Variants in GLIS3 observed in about 807,000 individuals in gnomAD.
GLIS3 encodes zinc finger protein GLIS3.
A neutral mutation model predicts 78.6 loss-of-function variants in GLIS3; 53 were observed. That is an observed-to-expected ratio of 0.67 (90% CI 0.54 to 0.85). The LOEUF (loss-of-function observed/expected upper bound fraction) is 0.85. Ranked by LOEUF, GLIS3 falls within the 40% of genes least tolerant of loss-of-function variation. GLIS3 has a pLI of 0.00. For missense variants in GLIS3, 1,703 were observed against 1,231.1 expected (o/e 1.38, Z -5.74); for synonymous variants, 684 against 509.9 (o/e 1.34, Z -4.60).
intron 8 of GLIS3, among the ~76,000 whole-genome samples, chr9:3,867,428 CCTAA>C (rs1179956015): frequency 6.6e-6 from 1 of 152,136 alleles, no homozygotes; most frequent in Non-Finnish European, 1.5e-5. Flanking sequence ...AGGCCAATGA[CCTAA>C]CTGATATTTG....
At chr9:4,194,872 CAT>C (rs778788593) in intron 2 of GLIS3, among the ~76,000 whole-genome samples, 3 of 152,226 alleles carry the variant, frequency 2.0e-5, no homozygotes, top group Non-Finnish European at 2.9e-5. Flanking sequence ...CGAAAAGCTG[CAT>C]ATGTTTTCCC....
the GLIS3 span, among the ~76,000 whole-genome samples, chr9:4,485,977 C>T: frequency 6.6e-6 from 1 of 152,208 alleles, no homozygotes; most frequent in Non-Finnish European, 1.5e-5. Flanking sequence ...CCCCCTTGGC[C>T]TCCCAAAGAG....
intron 6 of GLIS3, among the ~76,000 whole-genome samples, chr9:3,930,119 G>T (rs566891782): frequency 6.6e-5 from 10 of 152,070 alleles, no homozygotes; most frequent in Non-Finnish European, 1.3e-4. Flanking sequence ...TTTAACTTCC[G>T]CAAATTAATC....
chr9:3,926,326 G>A (rs1825248822), intron 6 of GLIS3, among the ~76,000 whole-genome samples: 3 of 151,246 alleles, frequency 2.0e-5, no homozygotes, highest in Admixed American at 2.0e-4. Flanking sequence ...CACCTCCTGG[G>A]GTCATGCCAT....
intron 4 of GLIS3, among the ~76,000 whole-genome samples, chr9:4,019,075 G>A (rs2130122742): frequency 6.6e-6 from 1 of 152,300 alleles, no homozygotes; most frequent in East Asian, 1.9e-4. Context: ...TAAGCAGGAA[G>A]TTGATGAACA....
intron 8 of GLIS3, among the ~76,000 whole-genome samples, chr9:3,876,909 T>A (rs2130440060): frequency 6.6e-6 from 1 of 151,918 alleles, no homozygotes; most frequent in South Asian, 2.1e-4. Flanking sequence ...GCCAAACAGT[T>A]AGCAACCGTC....
At chr9:4,096,671 G>A (rs915799652) in intron 4 of GLIS3, among the ~76,000 whole-genome samples, 2 of 152,122 alleles carry the variant, frequency 1.3e-5, no homozygotes, top group Non-Finnish European at 2.9e-5. Context: ...TGGAGAGAGA[G>A]GAGAGGGGAG....
chr9:4,453,252 G>A, the GLIS3 span, among the ~76,000 whole-genome samples: 1 of 148,852 alleles, frequency 6.7e-6, no homozygotes, highest in East Asian at 2.0e-4. Flanking sequence ...ATAGGCATGG[G>A]CAAGGACTTC....
chr9:4,406,944 T>C, the GLIS3 span, among the ~76,000 whole-genome samples: 1 of 152,178 alleles, frequency 6.6e-6, no homozygotes, highest in Admixed American at 6.5e-5. Flanking sequence ...GAAAAACAAT[T>C]CTAAAATTTA....
chr9:3,889,019 A>AC (rs1490329271), intron 7 of GLIS3, among the ~76,000 whole-genome samples: 2 of 152,128 alleles, frequency 1.3e-5, no homozygotes, highest in Admixed American at 1.3e-4. Context: ...TTAGGCTTTA[A>AC]TTTATGTGTC....
intron 2 of GLIS3, among the ~76,000 whole-genome samples, chr9:4,203,583 C>G (rs1036867935): frequency 6.6e-6 from 1 of 152,182 alleles, no homozygotes; most frequent in Non-Finnish European, 1.5e-5. Flanking sequence ...TTTCACCCCA[C>G]AATCCCATTA....
At chr9:4,295,572 A>G (rs1470119196) in intron 1 of GLIS3, among the ~76,000 whole-genome samples, 2 of 152,208 alleles carry the variant, frequency 1.3e-5, no homozygotes, top group African/African-American at 4.8e-5. Context: ...AAAAAACCAG[A>G]CAAAACTAAT....
chr9:4,004,418 G>A (rs1015760306), intron 4 of GLIS3, among the ~76,000 whole-genome samples: 2 of 152,160 alleles, frequency 1.3e-5, no homozygotes, highest in Non-Finnish European at 2.9e-5. Context: ...CCAAAAAAAT[G>A]TTTTTGATGA....
chr9:4,283,380 C>G (rs2130311423), intron 2 of GLIS3, among the ~76,000 whole-genome samples: 1 of 152,148 alleles, frequency 6.6e-6, no homozygotes, highest in South Asian at 2.1e-4. Context: ...ATTCTCCTGC[C>G]TCAGCCTCCC....
intron 2 of GLIS3, among the ~76,000 whole-genome samples, chr9:4,265,788 G>T (rs1825943826): frequency 6.6e-6 from 1 of 152,112 alleles, no homozygotes; most frequent in South Asian, 2.1e-4. Flanking sequence ...CACAGTATGA[G>T]TTTTCCCCTC....
intron 4 of GLIS3, among the ~76,000 whole-genome samples, chr9:3,938,666 G>T (rs1826029884): frequency 6.6e-6 from 1 of 152,186 alleles, no homozygotes; most frequent in African/African-American, 2.4e-5. Flanking sequence ...ACAGACATAT[G>T]TTGGTTTATT....
the GLIS3 span, among the ~76,000 whole-genome samples, chr9:4,385,623 C>G: frequency 6.5e-5 from 9 of 139,086 alleles, no homozygotes; most frequent in African/African-American, 2.2e-4. Context: ...TGAGATCACG[C>G]TATTGCACTC....
the GLIS3 span, among the ~76,000 whole-genome samples, chr9:4,408,586 G>T: frequency 1.3e-5 from 2 of 150,424 alleles, no homozygotes; most frequent in Non-Finnish European, 3.0e-5. Flanking sequence ...AATTAGCCGG[G>T]CGCGGTGGCG....
intron 4 of GLIS3, among the ~76,000 whole-genome samples, chr9:3,978,391 A>T (rs1171566466): frequency 6.6e-6 from 1 of 152,134 alleles, no homozygotes; most frequent in Non-Finnish European, 1.5e-5. Context: ...ATATGTGTGT[A>T]CACTTTTCTT....
Sources: gnomAD v4.1 joint callset for allele counts (sites outside exome capture counted in the v4.1 genomes callset) on GRCh38, gnomAD v4.1.1 for gene constraint, MANE v1.5 for transcripts, NCBI Gene and HGNC (gene_info 2026-07-23, HGNC 2026-07-21) for gene names.